The following RPS19 variants were observed in gnomAD, a reference collection of about 807,000 sequenced individuals.
RPS19 encodes ribosomal protein S19.
A neutral mutation model predicts 20.3 loss-of-function variants in RPS19; 1 was observed. The observed-to-expected ratio is 0.05, with a 90% CI of 0.02 to 0.23. The LOEUF (loss-of-function observed/expected upper bound fraction) is 0.23, where lower values mean the gene tolerates loss of function less well. Ranked by LOEUF, RPS19 falls within the 10% of genes least tolerant of loss-of-function variation. The probability of loss-of-function intolerance (pLI) is 1.00; values close to 1 mark genes in which losing one functional copy is unlikely to be tolerated. For missense variants in RPS19, 111 were observed against 192.7 expected, an observed-to-expected ratio of 0.58 and a Z score of 2.51; for synonymous variants, 87 against 74.8, an observed-to-expected ratio of 1.16 and a Z score of -0.84.
At chr19:41,862,634 C>CT (rs1555839509) in intron 3 of RPS19, among the ~76,000 whole-genome samples, 2 of 110,802 alleles carry the variant, frequency 1.8e-5, no homozygotes, top group South Asian at 6.7e-4. Flanking sequence ...GTGTCTTGTA[C>CT]ATTTTTTTTT....
In RPS19 at chr19:41,869,714, A is replaced by T. The variant is rs782722836; in HGVS notation, c.372A>T (p.Thr124=). 10 of 1,614,098 alleles carry T rather than the reference A, an allele frequency of 6.2e-6. No individual in the cohort carries two copies. The Admixed American group carries it at 1.5e-4, about 24-fold the overall frequency. Residue 124 remains threonine, a synonymous_variant, in exon 5 of 6, where the codon ACA becomes ACT. Coordinates refer to ENST00000598742, the MANE Select transcript of RPS19 (RefSeq NM_001022.4). The part of the protein sequence containing the change: ...EKDQDGGRKL[T]PQGQRDLDRI... Reference sequence around the variant, plus strand: ...CTCCCCACAGCGGCCGCAAACTGACACCTCAGGGACAAAGAGATCTGGACA... The same window carrying T: ...CTCCCCACAGCGGCCGCAAACTGACTCCTCAGGGACAAAGAGATCTGGACA...
rs532514925 is a variant in RPS19, at chr19:41,872,254, G to C, written c.*877G>C. 1 of 152,384 alleles carries C rather than the reference G, an allele frequency of 6.6e-6. No homozygotes were observed. Among genetic ancestry groups the C allele is most frequent in the South Asian group, 2.1e-4 (1 of 4,830 alleles). The allele number at this position is 152,384 out of a possible 1,614,324, so 9.4% of individuals were successfully genotyped here. ...GTCCGACCCCTGGAGGGGCAAGCCA[G>C]GAAAGAAACTTAGGGCCCGCTGTGA... On this transcript the variant is annotated 3_prime_UTR_variant, in exon 6 of 6. Coordinates refer to ENST00000598742, the MANE Select transcript of RPS19 (RefSeq NM_001022.4).
At chr19:41,860,940 C>T (rs901730828) in intron 2 of RPS19, 95 bp downstream of exon 2, 22 of 1,248,638 alleles carry the variant, frequency 1.8e-5, no homozygotes, top group Non-Finnish European at 2.5e-5. Flanking sequence ...GCAGGCGAGG[C>T]TTGTTTGGGG....
At chr19:41,865,861 A>G (rs1344018504) in intron 3 of RPS19, among the ~76,000 whole-genome samples, 2 of 149,730 alleles carry the variant, frequency 1.3e-5, no homozygotes, top group Non-Finnish European at 3.0e-5. Flanking sequence ...AGGCAGGAGA[A>G]TAGCATGAAC....
At chr19:41,865,630 G>T (rs1015100903) in intron 3 of RPS19, among the ~76,000 whole-genome samples, 1 of 152,118 alleles carries the variant, frequency 6.6e-6, no homozygotes, top group Admixed American at 6.6e-5. Flanking sequence ...CTGCGCTTAG[G>T]AGTGTGTGCC....
rs1568788510 is a variant in RPS19 at position 41,860,756 on chromosome 19, GCTTGA to G, written c.1-15_1-11del. The G allele has an allele frequency of 4.4e-6, 7 of 1,603,848 alleles. No individual in the cohort carries two copies. The Admixed American group carries it at 1.0e-4, about 23-fold the overall frequency. On this transcript the variant is annotated splice_polypyrimidine_tract_variant and intron_variant, in intron 1 of 5. Transcript: ENST00000598742. ...GTCTCTGCCAGGCCTGTGTTCACAT[GCTTGA>G]CTTTCTCCCTCAGATGCCTGGAGTT... is the stretch of plus-strand genomic sequence containing the variant.
At chr19:41,865,756 G>A (rs2074079659) in intron 3 of RPS19, among the ~76,000 whole-genome samples, 1 of 151,250 alleles carries the variant, frequency 6.6e-6, no homozygotes, top group Non-Finnish European at 1.5e-5. Flanking sequence ...AGACCATCCT[G>A]GCTAACATGG....
intron 1 of RPS19, 46 bp downstream of exon 1, chr19:41,860,335 G>A (rs2074013740): frequency 1.3e-5 from 2 of 154,622 alleles, no homozygotes; most frequent in South Asian, 2.0e-4. Context: ...CGGCAGGGCC[G>A]GACGCCGAAG....
In RPS19 at chr19:41,871,683, G is replaced by A. The variant is rs575763387; in HGVS notation, c.*306G>A. On this transcript the variant is annotated 3_prime_UTR_variant, in exon 6 of 6. Transcript: ENST00000598742. ...AGGGTGATTGGGTGGCTGTTTACCCGGCAGCCAGTCGGGCCTTCCCAGGTC... is the reference window on the plus strand; with the variant it reads ...AGGGTGATTGGGTGGCTGTTTACCCAGCAGCCAGTCGGGCCTTCCCAGGTC... 5.8e-5 allele frequency: 23 copies of A among 398,240 alleles called. No homozygotes were observed. In the East Asian group the frequency reaches 6.5e-4, roughly 11 times the overall value. 24.7% of individuals were successfully genotyped at this position (398,240 alleles called of 1,614,324 possible). A position where few individuals can be genotyped will look rare whatever the true frequency, so the allele number is the denominator to read the frequency against.
rs782260462 is a variant in RPS19 at position 41,861,203 on chromosome 19, A to G, written c.163A>G (p.Thr55Ala). The change falls in exon 3 of 6, where the codon ACG (threonine) becomes GCG (alanine). Residue 55 changes from threonine to alanine, a missense_variant. Transcript: ENST00000598742. ...TCCCTACGATGAGAACTGGTTCTAC[A>G]CGCGAGCTGGTGAGGAACTTAGGTC... ...LAPYDENWFY[T>A]RAASTARHLY... 6.2e-7 allele frequency: 1 copy of G among 1,613,606 alleles called. No individual in the cohort carries two copies.
At chr19:41,862,192 G>A (rs1038547330) in intron 3 of RPS19, among the ~76,000 whole-genome samples, 28 of 152,322 alleles carry the variant, frequency 1.8e-4, no homozygotes, top group Middle Eastern at 3.4e-3. Context: ...GTTGGCCTTG[G>A]TACAGGTTGC....
chr19:41,866,739 G>A (rs1043290073), intron 3 of RPS19, among the ~76,000 whole-genome samples: 2 of 152,028 alleles, frequency 1.3e-5, no homozygotes, highest in African/African-American at 2.4e-5. Context: ...GCCAGGGGCC[G>A]GGTGCGGTGG....
chr19:41,867,008 G>C (rs1555840864), intron 3 of RPS19, among the ~76,000 whole-genome samples: 1 of 145,866 alleles, frequency 6.9e-6, no homozygotes, highest in African/African-American at 2.6e-5. Flanking sequence ...CAGAGCGAGA[G>C]ACTCCATCTC....
rs137921683 is a variant in RPS19 at position 41,861,695 on chromosome 19, T to C, written c.172+483T>C. 8.8e-5 allele frequency: 18 copies of C among 204,220 alleles called. No individual in the cohort carries two copies. In the East Asian group the frequency reaches 1.6e-3, roughly 18 times the overall value. 12.7% of individuals were successfully genotyped at this position (204,220 alleles called of 1,614,324 possible). A position where few individuals can be genotyped will look rare whatever the true frequency, so the allele number is the denominator to read the frequency against. Reference sequence around the variant, plus strand: ...GAACGTGTCTGTTGCACAGTAGTTATTCAGGAAAAAGCCAGTTGTCTTTAC... The same window carrying C: ...GAACGTGTCTGTTGCACAGTAGTTACTCAGGAAAAAGCCAGTTGTCTTTAC... On this transcript the variant is annotated intron_variant, in intron 3 of 5. Transcript: ENST00000598742.
chr19:41,863,422 T>A, intron 3 of RPS19, among the ~76,000 whole-genome samples: 1 of 152,292 alleles, frequency 6.6e-6, no homozygotes, highest in Middle Eastern at 3.4e-3. Flanking sequence ...TGCTGCAAGT[T>A]ACCCTGGGAG....
chr19:41,861,237 G>C (rs368234739), intron 3 of RPS19, 25 bp downstream of exon 3: 1 of 1,556,688 alleles, frequency 6.4e-7, no homozygotes, highest in African/African-American at 1.4e-5. Flanking sequence ...TCTTTGGCTG[G>C]AGAGTGGGGA....
chr19:41,870,000 TG>T (rs35800785), intron 5 of RPS19, among the ~76,000 whole-genome samples: 1 of 152,122 alleles, frequency 6.6e-6, no homozygotes, highest in Admixed American at 6.5e-5. Context: ...CCCAGCACTT[TG>T]GGATGCCGAG....
intron 5 of RPS19, among the ~76,000 whole-genome samples, chr19:41,870,849 C>CTTTTTTTTTTTTTTTTTT (rs35987051): frequency 1.1e-4 from 5 of 43,964 alleles, no homozygotes; most frequent in African/African-American, 4.6e-4. Flanking sequence ...CACTCCCTTC[C>CTTTTTTTTTTTTTTTTTT]TTTTTTTTTT....
rs1400674746 is a variant in RPS19, at chr19:41,861,168, A to G, written c.128A>G (p.Lys43Arg). ...GATACCGTCAAGCTGGCCAAGCACA[A>G]AGAGCTTGCTCCCTACGATGAGAAC... Reference protein sequence around the residue: ...WVDTVKLAKHKELAPYDENWF... With the variant: ...WVDTVKLAKHRELAPYDENWF... Residue 43 changes from lysine (K) to arginine (R), a missense_variant, in exon 3 of 6, where the codon AAA becomes AGA. Lys to Arg is a conservative substitution (Grantham distance 26). Transcript: ENST00000598742. The G allele has an allele frequency of 1.9e-6, 3 of 1,614,044 alleles. No individual in the cohort carries two copies. The highest frequency in any genetic ancestry group is 4.5e-5 in the East Asian group (2 of 44,898).
Sources: allele counts gnomAD v4.1 joint callset (sites outside exome capture counted in the v4.1 genomes callset), GRCh38; gene constraint gnomAD v4.1.1; transcripts MANE v1.5; gene names NCBI Gene and HGNC (gene_info 2026-07-23, HGNC 2026-07-21).